The following PARD3B variants were observed in gnomAD, a reference collection of about 807,000 sequenced individuals.
PARD3B encodes the protein par-3 family cell polarity regulator beta.
A neutral mutation model predicts 130.2 loss-of-function variants in PARD3B; 103 were observed. That is an observed-to-expected ratio of 0.79 (90% CI 0.67 to 0.93). The LOEUF (loss-of-function observed/expected upper bound fraction) is 0.93. Ranked by LOEUF, PARD3B falls within the 40% of genes least tolerant of loss-of-function variation. PARD3B has a pLI of 0.00. For synonymous variants in PARD3B, 583 were observed against 553.2 expected (o/e 1.05, Z -0.76); for missense variants, 1,609 against 1,499.2 (o/e 1.07, Z -1.21).
intron 2 of PARD3B, among the ~76,000 whole-genome samples, chr2:204,862,873 TGA>T (rs1165596907): frequency 6.6e-6 from 1 of 152,132 alleles, no homozygotes; most frequent in East Asian, 1.9e-4. Context: ...CTCAGCAAAG[TGA>T]GAGAGAGTCC....
chr2:205,299,088 A>C (rs751600296), intron 16 of PARD3B, among the ~76,000 whole-genome samples: 1 of 152,180 alleles, frequency 6.6e-6, no homozygotes, highest in African/African-American at 2.4e-5. Context: ...ATTATTAGCT[A>C]TTACGATTAT....
chr2:205,306,372 G>A (rs1403052050), intron 18 of PARD3B, among the ~76,000 whole-genome samples: 1 of 152,130 alleles, frequency 6.6e-6, no homozygotes, highest in African/African-American at 2.4e-5. Context: ...AATGTATAAG[G>A]AAGAGTTTTT....
chr2:204,966,042 AG>A (rs1209340866), intron 3 of PARD3B, among the ~76,000 whole-genome samples: 1 of 152,174 alleles, frequency 6.6e-6, no homozygotes, highest in Admixed American at 6.5e-5. Flanking sequence ...CAACATTTTG[AG>A]ACTACTTAGA....
intron 4 of PARD3B, chr2:205,103,565 T>C (rs1178728059): frequency 3.9e-6 from 1 of 254,372 alleles, no homozygotes. Context: ...GGGTTTTTGA[T>C]AATGGGTCTT....
Position 205,208,492 on chromosome 2 carries a change from C to G in PARD3B, c.2140+15172C>G, listed in dbSNP as rs985700726. The stretch of plus-strand genomic sequence containing the variant: ...ACCCCATTGTCTCAGGCCAAAATCT[C>G]CTTAAGCTGATAAGCAACTTCAGCA... On this transcript the variant is annotated intron_variant, in intron 15 of 22. Coordinates refer to ENST00000406610, the MANE Select transcript of PARD3B (RefSeq NM_001302769.2). Among the ~76,000 whole-genome samples the G allele has an allele frequency of 3.4e-5, 5 of 145,224 alleles. 1 individual carries two copies. Among genetic ancestry groups the G allele is most frequent in the Admixed American group, 6.7e-5 (1 of 14,834 alleles).
intron 4 of PARD3B, among the ~76,000 whole-genome samples, chr2:205,064,904 A>G (rs1575683968): frequency 6.6e-6 from 1 of 152,202 alleles, no homozygotes; most frequent in African/African-American, 2.4e-5. Flanking sequence ...TCAAAGAGTT[A>G]TCAAAAGACC....
At chr2:204,862,527 T>A (rs2045252044) in intron 2 of PARD3B, among the ~76,000 whole-genome samples, 1 of 152,208 alleles carries the variant, frequency 6.6e-6, no homozygotes, top group Non-Finnish European at 1.5e-5. Flanking sequence ...TAGTACTAGG[T>A]TCCTCCTCTG....
chr2:204,939,673 A>G (rs1688751582), intron 2 of PARD3B, among the ~76,000 whole-genome samples: 1 of 152,216 alleles, frequency 6.6e-6, no homozygotes, highest in South Asian at 2.1e-4. Flanking sequence ...GGCAAAGTAT[A>G]TCAAATTCAA....
chr2:204,730,123 G>A (rs895222116), intron 2 of PARD3B, among the ~76,000 whole-genome samples: 2 of 151,818 alleles, frequency 1.3e-5, no homozygotes, highest in African/African-American at 2.4e-5. Flanking sequence ...CACCCAGGCT[G>A]GAGTGCAATG....
intron 3 of PARD3B, among the ~76,000 whole-genome samples, chr2:204,981,867 A>C (rs1182440784): frequency 1.3e-5 from 2 of 152,130 alleles, no homozygotes; most frequent in Non-Finnish European, 2.9e-5. Flanking sequence ...TGAGTAGTGC[A>C]GATTGGTTAG....
chr2:204,726,354 A>G (rs1232434656), intron 2 of PARD3B, among the ~76,000 whole-genome samples: 1 of 152,170 alleles, frequency 6.6e-6, no homozygotes, highest in Non-Finnish European at 1.5e-5. Flanking sequence ...CCCTGATCTC[A>G]ACATTTTCAA....
chr2:204,841,221 C>T (rs1019500574), intron 2 of PARD3B, among the ~76,000 whole-genome samples: 5 of 151,866 alleles, frequency 3.3e-5, no homozygotes, highest in Admixed American at 1.3e-4. Context: ...TGGATGCTGC[C>T]GGAGAGGTTA....
intron 2 of PARD3B, among the ~76,000 whole-genome samples, chr2:204,804,449 C>T (rs563757167): frequency 2.0e-5 from 3 of 152,066 alleles, no homozygotes; most frequent in Non-Finnish European, 4.4e-5. Flanking sequence ...GAGGATATCA[C>T]AGTTGTAAAT....
chr2:204,735,993 G>A (rs1431856788), intron 2 of PARD3B, among the ~76,000 whole-genome samples: 4 of 152,060 alleles, frequency 2.6e-5, no homozygotes, highest in Non-Finnish European at 5.9e-5. Flanking sequence ...CCTTCTCTGG[G>A]AAAGATAGCT....
intron 2 of PARD3B, among the ~76,000 whole-genome samples, chr2:204,918,493 A>G (rs2047533626): frequency 6.6e-6 from 1 of 151,040 alleles, no homozygotes; most frequent in Non-Finnish European, 1.5e-5. Flanking sequence ...AACCGGGCGT[A>G]GTGGCGGGCG....
intron 2 of PARD3B, among the ~76,000 whole-genome samples, chr2:204,855,853 C>G (rs1410043882): frequency 6.6e-6 from 1 of 152,050 alleles, no homozygotes; most frequent in Non-Finnish European, 1.5e-5. Flanking sequence ...TACTCTAGTT[C>G]CATCTATGTT....
chr2:204,684,778 A>G (rs1055885516), intron 1 of PARD3B, among the ~76,000 whole-genome samples: 1 of 152,224 alleles, frequency 6.6e-6, no homozygotes, highest in Admixed American at 6.5e-5. Flanking sequence ...AGGCATTTAA[A>G]GTTTCCTAGT....
At chr2:204,569,328 A>G (rs2031858829) in intron 1 of PARD3B, among the ~76,000 whole-genome samples, 2 of 152,362 alleles carry the variant, frequency 1.3e-5, no homozygotes, top group African/African-American at 4.8e-5. Context: ...TTTAGATGCT[A>G]TATGAAACCG....
chr2:205,010,214 A>G (rs938389176), intron 3 of PARD3B, among the ~76,000 whole-genome samples: 11 of 152,170 alleles, frequency 7.2e-5, no homozygotes, highest in Admixed American at 3.3e-4. Flanking sequence ...ATTGATACAT[A>G]TTAATACAAA....
Sources: gnomAD v4.1 joint callset for allele counts (sites outside exome capture counted in the v4.1 genomes callset) on GRCh38, gnomAD v4.1.1 for gene constraint, MANE v1.5 for transcripts, NCBI Gene and HGNC (gene_info 2026-07-23, HGNC 2026-07-21) for gene names.